The following SNX10 variants were observed in gnomAD, a reference collection of about 807,000 sequenced individuals.
SNX10 encodes the protein sorting nexin-10.
In SNX10, 25 loss-of-function variants were observed where a neutral mutation model predicts 28.5. That is an observed-to-expected ratio of 0.88 (90% confidence interval 0.64 to 1.22). The LOEUF (loss-of-function observed/expected upper bound fraction) is 1.22, where lower values mean the gene tolerates loss of function less well. Ranked by LOEUF, SNX10 falls within the 50% of genes most tolerant of loss-of-function variation. The probability of loss-of-function intolerance (pLI) is 0.00; values close to 1 mark genes in which losing one functional copy is unlikely to be tolerated. For missense variants in SNX10, 223 were observed against 242.6 expected, an observed-to-expected ratio of 0.92 and a Z score of 0.54; for synonymous variants, 62 against 81.4, an observed-to-expected ratio of 0.76 and a Z score of 1.28.
At chr7:26,308,844 T>G (rs1786700582) in intron 1 of SNX10, among the ~76,000 whole-genome samples, 1 of 152,088 alleles carries the variant, frequency 6.6e-6, no homozygotes, top group East Asian at 1.9e-4. Flanking sequence ...TGGGATCTGA[T>G]AATGTCCCCA....
intron 1 of SNX10, among the ~76,000 whole-genome samples, chr7:26,298,091 C>T (rs868379556): frequency 1.4e-4 from 22 of 152,210 alleles, no homozygotes; most frequent in Middle Eastern, 6.8e-3. Context: ...ATTAGCTGGG[C>T]ATGGTGGCAG....
At chr7:26,310,750 C>T (rs12700722) in intron 1 of SNX10, among the ~76,000 whole-genome samples, 2,717 of 151,482 alleles carry the variant, frequency 0.018, 44 homozygotes, top group African/African-American at 0.044. Flanking sequence ...GGCGCCATCT[C>T]GGCTCACTGC....
At chr7:26,303,278 T>A (rs1786449254) in intron 1 of SNX10, among the ~76,000 whole-genome samples, 1 of 152,242 alleles carries the variant, frequency 6.6e-6, no homozygotes, top group Admixed American at 6.5e-5. Flanking sequence ...GTAAGGATAC[T>A]GCAGACAACT....
intron 1 of SNX10, among the ~76,000 whole-genome samples, chr7:26,346,173 G>A (rs114848040): frequency 6.6e-6 from 1 of 152,188 alleles, no homozygotes; most frequent in African/African-American, 2.4e-5. Context: ...CTTGCGGTTT[G>A]AAGGTCTGTC....
At chr7:26,320,551 G>A (rs2128000182) in intron 1 of SNX10, among the ~76,000 whole-genome samples, 2 of 152,192 alleles carry the variant, frequency 1.3e-5, no homozygotes, top group South Asian at 4.2e-4. Flanking sequence ...TCCTGCCTCA[G>A]CCTCCCGAGT....
intron 2 of SNX10, among the ~76,000 whole-genome samples, chr7:26,358,805 G>GTTTTTTTTTTGTTTTT (rs1788938834): frequency 4.0e-5 from 4 of 100,112 alleles, no homozygotes; most frequent in African/African-American, 1.8e-4. Flanking sequence ...GTTATCTTGT[G>GTTTTTTTTTTGTTTTT]TTTTTTTTTT....
chr7:26,313,750 G>A (rs544718931), intron 1 of SNX10, among the ~76,000 whole-genome samples: 103 of 152,058 alleles, frequency 6.8e-4, no homozygotes, highest in African/African-American at 2.5e-3. Flanking sequence ...AAATTGAGCC[G>A]TCATCAGACT....
At chr7:26,302,911 A>T (rs1786432572) in intron 1 of SNX10, among the ~76,000 whole-genome samples, 1 of 152,176 alleles carries the variant, frequency 6.6e-6, no homozygotes, top group Non-Finnish European at 1.5e-5. Context: ...ATCACACTGC[A>T]TTCCAGCCTG....
chr7:26,301,561 A>C (rs968887715), intron 1 of SNX10, among the ~76,000 whole-genome samples: 5 of 152,226 alleles, frequency 3.3e-5, no homozygotes, highest in Non-Finnish European at 7.3e-5. Flanking sequence ...TCCTGTGTCC[A>C]AGGAGTGTGA....
intron 1 of SNX10, among the ~76,000 whole-genome samples, chr7:26,335,982 C>T (rs1351118767): frequency 1.3e-5 from 2 of 151,940 alleles, no homozygotes; most frequent in Admixed American, 6.6e-5. Flanking sequence ...CCGCCCGCCT[C>T]GGCCTCCCAA....
At chr7:26,344,175 A>ATTTTTTTT (rs35200460) in intron 1 of SNX10, among the ~76,000 whole-genome samples, 1 of 114,110 alleles carries the variant, frequency 8.8e-6, no homozygotes. Context: ...CTGTCTCTGA[A>ATTTTTTTT]TTTTTTTTTT....
At chr7:26,303,531 T>G (rs1183072033) in intron 1 of SNX10, among the ~76,000 whole-genome samples, 2 of 152,202 alleles carry the variant, frequency 1.3e-5, no homozygotes, top group Non-Finnish European at 2.9e-5. Flanking sequence ...GTCTTCATCA[T>G]GCCGAACTCC....
intron 1 of SNX10, among the ~76,000 whole-genome samples, chr7:26,298,583 T>TTTCAG (rs1786199533): frequency 6.6e-6 from 1 of 152,224 alleles, no homozygotes; most frequent in Non-Finnish European, 1.5e-5. Flanking sequence ...CTTCCACTTC[T>TTTCAG]AGGACCTTAT....
chr7:26,332,313 A>C (rs938190041), intron 1 of SNX10, among the ~76,000 whole-genome samples: 1 of 152,128 alleles, frequency 6.6e-6, no homozygotes, highest in Non-Finnish European at 1.5e-5. Flanking sequence ...CATGGTTTAG[A>C]TTTGCATTTC....
At chr7:26,307,295 T>C (rs1786638154) in intron 1 of SNX10, among the ~76,000 whole-genome samples, 1 of 152,154 alleles carries the variant, frequency 6.6e-6, no homozygotes, top group Non-Finnish European at 1.5e-5. Context: ...CCTAACATGT[T>C]CCAGTTTCTT....
Position 26,360,968 on chromosome 7 carries a change from A to G in SNX10, c.25-7A>G. ...AGAATATTTCTTTGTTTATGATGCCATTACAGGAATTTGTAAGTGTCTGGG... is the reference window on the plus strand; with the variant it reads ...AGAATATTTCTTTGTTTATGATGCCGTTACAGGAATTTGTAAGTGTCTGGG... On this transcript the variant is annotated splice_polypyrimidine_tract_variant and splice_region_variant and intron_variant, in intron 2 of 6. Coordinates refer to ENST00000338523, the MANE Select transcript of SNX10 (RefSeq NM_013322.3). The G allele has an allele frequency of 6.2e-7, 1 of 1,612,932 alleles. No individual in the cohort carries two copies. The highest frequency in any genetic ancestry group is 1.7e-4 in the Middle Eastern group (1 of 6,058).
rs145447507 is a variant in SNX10 at position 26,319,538 on chromosome 7, A to G, written c.-23-26882A>G. 1.3e-4 allele frequency among the ~76,000 whole-genome samples: 20 copies of G among 152,344 alleles called. No individual in the cohort carries two copies. The East Asian group carries it at 3.7e-3, about 28-fold the overall frequency. On this transcript the variant is annotated intron_variant, in intron 1 of 6. Transcript: ENST00000338523. ...AGACATTTCAGTGAGACGGAAGGCC[A>G]GTAAAGCTTTTGTCTATCAGCATCT...
chr7:26,324,418 G>A (rs1165243588), intron 1 of SNX10, among the ~76,000 whole-genome samples: 4 of 152,150 alleles, frequency 2.6e-5, no homozygotes, highest in African/African-American at 9.7e-5. Flanking sequence ...AGAATGCAGT[G>A]GTGTGATCAT....
intron 5 of SNX10, among the ~76,000 whole-genome samples, chr7:26,367,844 A>G (rs1458572865): frequency 1.3e-5 from 2 of 152,242 alleles, no homozygotes; most frequent in African/African-American, 4.8e-5. Flanking sequence ...GAACCACAGC[A>G]TTAAAACATG....
Sources: gnomAD v4.1 joint callset for allele counts (sites outside exome capture counted in the v4.1 genomes callset) on GRCh38, gnomAD v4.1.1 for gene constraint, MANE v1.5 for transcripts, NCBI Gene and HGNC (gene_info 2026-07-23, HGNC 2026-07-21) for gene names.